MRAS: variants seen among roughly 807,000 people sequenced by gnomAD.
MRAS encodes the protein ras-related protein M-Ras.
A neutral mutation model predicts 20.9 loss-of-function variants in MRAS; 4 were observed. The observed-to-expected ratio is 0.19, with a 90% CI of 0.09 to 0.44. The LOEUF is 0.44. MRAS is among the 20% of genes least tolerant of loss of function. The probability of loss-of-function intolerance (pLI) is 0.99; values close to 1 mark genes in which losing one functional copy is unlikely to be tolerated. For synonymous variants in MRAS, 98 were observed against 102.9 expected, an observed-to-expected ratio of 0.95 and a Z score of 0.29; for missense variants, 154 against 277.5, an observed-to-expected ratio of 0.56 and a Z score of 3.16.
intron 1 of MRAS, among the ~76,000 whole-genome samples, chr3:138,367,814 A>T (rs181930500): frequency 6.6e-6 from 1 of 152,372 alleles, no homozygotes; most frequent in African/African-American, 2.4e-5. Flanking sequence ...CAGGGAAACA[A>T]CTTCAAACCA....
chr3:138,387,536 T>G (rs2055042761), intron 2 of MRAS, among the ~76,000 whole-genome samples: 3 of 152,318 alleles, frequency 2.0e-5, no homozygotes, highest in Admixed American at 2.0e-4. Flanking sequence ...AGCAGATCAC[T>G]AGCCTTGCCC....
At chr3:138,348,516 G>C (rs1560154641), upstream of MRAS, 2 of 152,002 alleles carry the variant, frequency 1.3e-5, no homozygotes, top group African/African-American at 4.8e-5. Flanking sequence ...CGCGCCCGCA[G>C]CGGCGCTCTA....
chr3:138,401,251 C>T (rs1273022653), intron 5 of MRAS, among the ~76,000 whole-genome samples: 1 of 152,194 alleles, frequency 6.6e-6, no homozygotes, highest in African/African-American at 2.4e-5. Flanking sequence ...AAATCTTTAA[C>T]ATGCACAGCA....
intron 1 of MRAS, among the ~76,000 whole-genome samples, chr3:138,367,202 G>C (rs926361047): frequency 1.3e-5 from 2 of 152,184 alleles, no homozygotes; most frequent in Admixed American, 1.3e-4. Context: ...GAAAGCAGGG[G>C]CCCAACTACT....
chr3:138,387,269 G>C (rs2055036502), intron 2 of MRAS, among the ~76,000 whole-genome samples: 1 of 152,246 alleles, frequency 6.6e-6, no homozygotes, highest in Non-Finnish European at 1.5e-5. Context: ...ACCCATGGCT[G>C]CCCAGGCGCA....
At position 138,403,890 on chromosome 3, in the gene MRAS, C is replaced by A. The variant is rs1251970175; in HGVS notation, c.*1621C>A. 1 of 152,258 alleles carries A rather than the reference C, an allele frequency of 6.6e-6. No homozygotes were observed. Among genetic ancestry groups the A allele is most frequent in the African/African-American group, 2.4e-5 (1 of 41,470 alleles). 9.4% of individuals were successfully genotyped at this position (152,258 alleles called of 1,614,324 possible). A position where few individuals can be genotyped will look rare whatever the true frequency, so the allele number is the denominator to read the frequency against. On this transcript the variant is annotated 3_prime_UTR_variant, in exon 6 of 6. Coordinates refer to ENST00000423968, the MANE Select transcript of MRAS (RefSeq NM_001085049.3). ...GAGCACCCAACTGGATGCCAAGACACCCGGGTTCTGAAAATGTGCTGTGTT... is the reference window on the plus strand; with the variant it reads ...GAGCACCCAACTGGATGCCAAGACAACCGGGTTCTGAAAATGTGCTGTGTT...
intron 1 of MRAS, among the ~76,000 whole-genome samples, chr3:138,371,646 C>T (rs762524313): frequency 3.3e-5 from 5 of 152,176 alleles, no homozygotes; most frequent in Admixed American, 6.5e-5. Context: ...TTCCCTCCCT[C>T]GATTTTTGTG....
chr3:138,365,631 C>G (rs1042534644), intron 1 of MRAS, among the ~76,000 whole-genome samples: 5 of 152,226 alleles, frequency 3.3e-5, no homozygotes, highest in African/African-American at 1.2e-4. Context: ...CAGACATCAC[C>G]AGGCAGGCTA....
chr3:138,368,111 G>A (rs558318958), intron 1 of MRAS, among the ~76,000 whole-genome samples: 38 of 152,340 alleles, frequency 2.5e-4, no homozygotes, highest in Non-Finnish European at 4.3e-4. Context: ...TGGTTTCTGC[G>A]TGGATGGGGC....
chr3:138,399,717 C>G (rs746067465), intron 4 of MRAS, among the ~76,000 whole-genome samples: 6 of 152,224 alleles, frequency 3.9e-5, no homozygotes, highest in Non-Finnish European at 7.3e-5. Context: ...TCAAGGGAGG[C>G]CTGTGTGTTC....
At chr3:138,391,398 A>G (rs1011389143) in intron 2 of MRAS, among the ~76,000 whole-genome samples, 1 of 152,182 alleles carries the variant, frequency 6.6e-6, no homozygotes, top group African/African-American at 2.4e-5. Flanking sequence ...AGATTCTCTT[A>G]TACTCTTGTT....
intron 4 of MRAS, among the ~76,000 whole-genome samples, chr3:138,399,420 G>C (rs1319963297): frequency 6.6e-6 from 1 of 152,140 alleles, no homozygotes; most frequent in Non-Finnish European, 1.5e-5. Flanking sequence ...TGTGTCTGTT[G>C]GCTACAACAG....
intron 5 of MRAS, among the ~76,000 whole-genome samples, chr3:138,401,445 ATTCTTCACTTTATGTTTTTGCTGGCAG>A (rs2108568972): frequency 6.6e-6 from 1 of 152,290 alleles, no homozygotes; most frequent in African/African-American, 2.4e-5. Context: ...GAAATATTAC[ATTCTTCACTTTATGTTTTTGCTGGCAG>A]TTTTGCACTC....
At chr3:138,399,129 G>A (rs80216856) in intron 4 of MRAS, among the ~76,000 whole-genome samples, 5,818 of 152,322 alleles carry the variant, frequency 0.038, 357 homozygotes, top group African/African-American at 0.13. Context: ...CCAGGAGAAA[G>A]TGGAAAGTGT....
At chr3:138,383,088 A>G (rs2054938194) in intron 2 of MRAS, among the ~76,000 whole-genome samples, 1 of 152,194 alleles carries the variant, frequency 6.6e-6, no homozygotes, top group African/African-American at 2.4e-5. Context: ...CAAATGAGAT[A>G]CACCTCATAG....
At chr3:138,377,281 G>A (rs253663) in intron 2 of MRAS, among the ~76,000 whole-genome samples, 4,672 of 152,256 alleles carry the variant, frequency 0.031, 226 homozygotes, top group East Asian at 0.22. Flanking sequence ...CAGATTAGAT[G>A]CTTCTCCACT....
At chr3:138,354,040 A>C (rs1213568361) in intron 1 of MRAS, among the ~76,000 whole-genome samples, 1 of 152,142 alleles carries the variant, frequency 6.6e-6, no homozygotes, top group Admixed American at 6.5e-5. Flanking sequence ...GGCTCTACAT[A>C]ATCAGTGCAG....
At chr3:138,367,892 T>C (rs1243651622) in intron 1 of MRAS, among the ~76,000 whole-genome samples, 2 of 152,256 alleles carry the variant, frequency 1.3e-5, no homozygotes, top group African/African-American at 4.8e-5. Context: ...AAGAGCTTAT[T>C]TTTCCATTTA....
chr3:138,357,722 T>C (rs1560161974), intron 1 of MRAS, among the ~76,000 whole-genome samples: 1 of 152,238 alleles, frequency 6.6e-6, no homozygotes, highest in Non-Finnish European at 1.5e-5. Context: ...TACAGTAAGG[T>C]TGGCTTCTTC....
Sources: allele counts gnomAD v4.1 joint callset (sites outside exome capture counted in the v4.1 genomes callset), GRCh38; gene constraint gnomAD v4.1.1; transcripts MANE v1.5; gene names NCBI Gene and HGNC (gene_info 2026-07-23, HGNC 2026-07-21).